PDE2A: variants seen among roughly 807,000 people sequenced by gnomAD.
PDE2A encodes cGMP-dependent 3',5'-cyclic phosphodiesterase.
PDE2A carries 53 observed loss-of-function variants against 133.6 expected under a neutral mutation model. The observed-to-expected ratio is 0.40, with a 90% confidence interval of 0.32 to 0.50. The LOEUF (loss-of-function observed/expected upper bound fraction) is 0.50, where lower values mean the gene tolerates loss of function less well. Ranked by LOEUF, PDE2A falls within the 20% of genes least tolerant of loss-of-function variation. The pLI is 0.73. For missense variants in PDE2A, 796 were observed against 1,232.4 expected (o/e 0.65, Z 5.30); for synonymous variants, 491 against 490.2 (o/e 1.00, Z -0.02).
intron 1 of PDE2A, among the ~76,000 whole-genome samples, chr11:72,673,772 T>A (rs553852190): frequency 2.0e-5 from 3 of 151,972 alleles, no homozygotes; most frequent in Non-Finnish European, 4.4e-5. Context: ...ACCAGCCTAT[T>A]GCAGCCCCGA....
intron 1 of PDE2A, among the ~76,000 whole-genome samples, chr11:72,655,949 C>T (rs916766812): frequency 6.6e-6 from 1 of 152,202 alleles, no homozygotes; most frequent in South Asian, 2.1e-4. Context: ...GCTGTGCCCC[C>T]CTTCTCCCCA....
chr11:72,668,732 C>T (rs941900280), intron 1 of PDE2A, among the ~76,000 whole-genome samples: 9 of 152,256 alleles, frequency 5.9e-5, no homozygotes, highest in African/African-American at 1.9e-4. Flanking sequence ...CCCTTCTTCA[C>T]CAAGCCCTTT....
At chr11:72,667,829 T>C (rs1355516160) in intron 1 of PDE2A, among the ~76,000 whole-genome samples, 1 of 146,276 alleles carries the variant, frequency 6.8e-6, no homozygotes, top group Non-Finnish European at 1.5e-5. Flanking sequence ...TGAGCTATTA[T>C]GGCACCACTG....
Position 72,598,419 on chromosome 11 carries a change from G to C in PDE2A, c.324-800C>G. The C allele has an allele frequency of 7.2e-6, 7 of 966,946 alleles. No individual in the cohort carries two copies. In the South Asian group the frequency reaches 9.6e-5, roughly 13 times the overall value. The allele number at this position is 966,946 out of a possible 1,614,324, so 59.9% of individuals were successfully genotyped here. On this transcript the variant is annotated intron_variant, in intron 4 of 30. Transcript: ENST00000334456. ...GGTGGGAACCAAGGCAGGGGAGGTTGGTATGGGAAGAATGAGTTTCTCTCT... is the reference window on the plus strand; with the variant it reads ...GGTGGGAACCAAGGCAGGGGAGGTTCGTATGGGAAGAATGAGTTTCTCTCT...
chr11:72,629,244 C>T (rs1223261994), intron 2 of PDE2A, among the ~76,000 whole-genome samples: 2 of 150,510 alleles, frequency 1.3e-5, no homozygotes, highest in Admixed American at 6.5e-5. Context: ...AAGAGCAGAA[C>T]TTGAACCTGC....
At chr11:72,591,059 T>C (rs1856226531) in intron 7 of PDE2A, 2 of 515,374 alleles carry the variant, frequency 3.9e-6, no homozygotes, top group African/African-American at 3.9e-5. Flanking sequence ...ATTTACAAGA[T>C]ATTTGACCAG....
chr11:72,651,104 GA>G (rs1854729910), intron 1 of PDE2A, among the ~76,000 whole-genome samples: 1 of 152,178 alleles, frequency 6.6e-6, no homozygotes, highest in Admixed American at 6.5e-5. Context: ...CATGTTCTTA[GA>G]AAATCAAAGC....
At chr11:72,669,400 G>A (rs1169912169) in intron 1 of PDE2A, among the ~76,000 whole-genome samples, 2 of 152,166 alleles carry the variant, frequency 1.3e-5, no homozygotes, top group African/African-American at 2.4e-5. Context: ...GGGTGGGGGG[G>A]CAGTGAGAAG....
intron 1 of PDE2A, among the ~76,000 whole-genome samples, chr11:72,663,245 G>C (rs542462334): frequency 6.6e-6 from 1 of 152,304 alleles, no homozygotes; most frequent in East Asian, 1.9e-4. Context: ...CACCCTCAAG[G>C]CCAGTTGGGA....
At chr11:72,632,456 C>G (rs1858454696) in intron 2 of PDE2A, among the ~76,000 whole-genome samples, 1 of 152,100 alleles carries the variant, frequency 6.6e-6, no homozygotes, top group Admixed American at 6.5e-5. Flanking sequence ...TGTGTCTGGG[C>G]CTCTATGAGG....
chr11:72,595,555 C>T (rs1856442184), intron 6 of PDE2A, among the ~76,000 whole-genome samples: 2 of 151,990 alleles, frequency 1.3e-5, no homozygotes, highest in Non-Finnish European at 2.9e-5. Context: ...ATCCCTGACT[C>T]CCACTGCCCT....
At chr11:72,645,943 G>A (rs960332124) in intron 1 of PDE2A, among the ~76,000 whole-genome samples, 3 of 152,218 alleles carry the variant, frequency 2.0e-5, no homozygotes, top group Admixed American at 6.5e-5. Flanking sequence ...TTCAAACCCA[G>A]GCCATCTCAC....
At chr11:72,628,407 T>G (rs963165723) in intron 2 of PDE2A, among the ~76,000 whole-genome samples, 47 of 151,492 alleles carry the variant, frequency 3.1e-4, no homozygotes, top group African/African-American at 1.1e-3. Flanking sequence ...CTCGGCTCAC[T>G]GCAAGCTCTG....
At chr11:72,659,928 A>G (rs1855003728) in intron 1 of PDE2A, among the ~76,000 whole-genome samples, 1 of 152,156 alleles carries the variant, frequency 6.6e-6, no homozygotes, top group South Asian at 2.1e-4. Flanking sequence ...GCCTGGCTGC[A>G]CTGCCTCTGC....
At chr11:72,581,796 C>G in intron 22 of PDE2A, 81 bp downstream of exon 22, 1 of 1,327,572 alleles carries the variant, frequency 7.5e-7, no homozygotes, top group Non-Finnish European at 1.1e-6. Context: ...GAGAGATCCT[C>G]TCCAGAATGC....
At chr11:72,623,492 G>A (rs563881759) in intron 2 of PDE2A, among the ~76,000 whole-genome samples, 6 of 151,926 alleles carry the variant, frequency 3.9e-5, no homozygotes, top group Non-Finnish European at 7.4e-5. Flanking sequence ...CCAGGTCCAC[G>A]ACCTTAACAA....
intron 1 of PDE2A, 166 bp from the exon 2 acceptor site, chr11:72,642,492 C>CGCCCGCCCCCG (rs1372470602): frequency 2.6e-5 from 18 of 691,426 alleles, no homozygotes; most frequent in Non-Finnish European, 3.0e-5. Context: ...GCCCGCCCCC[C>CGCCCGCCCCCG]GCCCGCCCCC....
chr11:72,655,807 G>T (rs1169979661), intron 1 of PDE2A, among the ~76,000 whole-genome samples: 2 of 152,228 alleles, frequency 1.3e-5, no homozygotes, highest in African/African-American at 2.4e-5. Context: ...GTGTGCATGT[G>T]CACGTGCCCT....
intron 1 of PDE2A, among the ~76,000 whole-genome samples, chr11:72,671,416 G>A (rs1855381746): frequency 6.6e-6 from 1 of 152,210 alleles, no homozygotes; most frequent in Non-Finnish European, 1.5e-5. Context: ...TGGCCTGACA[G>A]CAGCATGGCT....
Sources: gnomAD v4.1 joint callset for allele counts (sites outside exome capture counted in the v4.1 genomes callset) on GRCh38, gnomAD v4.1.1 for gene constraint, MANE v1.5 for transcripts, NCBI Gene and HGNC (gene_info 2026-07-23, HGNC 2026-07-21) for gene names.